Variants in SLC26A3 observed in about 807,000 individuals in gnomAD.
SLC26A3 encodes chloride anion exchanger.
In SLC26A3, 64 loss-of-function variants were observed where a neutral mutation model predicts 85.6. That is an observed-to-expected ratio of 0.75 (90% CI 0.61 to 0.92). The LOEUF (loss-of-function observed/expected upper bound fraction) is 0.92, where lower values mean the gene tolerates loss of function less well. Among genes scored for constraint, SLC26A3 ranks in the 40% least tolerant of loss-of-function variants. SLC26A3 has a pLI of 0.00. For synonymous variants in SLC26A3, 349 were observed against 336.0 expected (o/e 1.04, Z -0.42); for missense variants, 922 against 927.3 (o/e 0.99, Z 0.07).
At chr7:107,772,506 C>A (rs1318742425) in intron 17 of SLC26A3, among the ~76,000 whole-genome samples, 1 of 152,106 alleles carries the variant, frequency 6.6e-6, no homozygotes, top group Non-Finnish European at 1.5e-5. Context: ...TTATTTTTGT[C>A]CACAATGAAT....
chr7:107,795,783 C>T (rs564926963), intron 1 of SLC26A3, among the ~76,000 whole-genome samples: 1 of 152,158 alleles, frequency 6.6e-6, no homozygotes, highest in Non-Finnish European at 1.5e-5. Flanking sequence ...AGTTTTGTTC[C>T]TCAGCTTCAA....
intron 1 of SLC26A3, among the ~76,000 whole-genome samples, chr7:107,796,924 C>T (rs1450843066): frequency 6.6e-6 from 1 of 151,862 alleles, no homozygotes; most frequent in African/African-American, 2.4e-5. Flanking sequence ...GTTGTCTTCC[C>T]CAAAAAAGAT....
intron 1 of SLC26A3, among the ~76,000 whole-genome samples, chr7:107,802,021 G>A (rs537081179): frequency 6.6e-6 from 1 of 151,118 alleles, no homozygotes; most frequent in African/African-American, 2.4e-5. Context: ...GAACCTGGGA[G>A]GCAGAGGTTG....
At chr7:107,771,499 C>T (rs953661367) in intron 18 of SLC26A3, among the ~76,000 whole-genome samples, 1 of 152,102 alleles carries the variant, frequency 6.6e-6, no homozygotes, top group Non-Finnish European at 1.5e-5. Flanking sequence ...GAACCAATGT[C>T]AGACCCTGAG....
chr7:107,794,458 T>A lies in SLC26A3; in HGVS notation c.52A>T (p.Thr18Ser), dbSNP rs1243257855. 1.2e-6 allele frequency: 2 copies of A among 1,613,896 alleles called. No individual in the cohort carries two copies. The change falls in exon 2 of 21, where the codon ACA (threonine) becomes TCA (serine). Residue 18 changes from threonine (T) to serine (S), a missense_variant. Physicochemically the swap from Thr to Ser is moderately conservative, Grantham distance 58. Coordinates refer to ENST00000340010, the MANE Select transcript of SLC26A3 (RefSeq NM_000111.3). ...QYIVARPVYSTNAFEENHKKT... is the reference protein window; with the variant it reads ...QYIVARPVYSSNAFEENHKKT... ...TTATGATTTTCCTCAAAAGCATTTG[T>A]AGAATACACTGGCCTGGCCACAATA...
At chr7:107,787,123 T>C (rs1794309939) in intron 7 of SLC26A3, among the ~76,000 whole-genome samples, 1 of 152,248 alleles carries the variant, frequency 6.6e-6, no homozygotes, top group African/African-American at 2.4e-5. Flanking sequence ...CACGACATTT[T>C]GTCAAGGGTC....
intron 18 of SLC26A3, among the ~76,000 whole-genome samples, chr7:107,771,271 G>A (rs41668): frequency 0.73 from 110,225 of 152,000 alleles, 40,200 homozygotes; most frequent in African/African-American, 0.78. Context: ...AGTTCTAAAA[G>A]CGTGTATCTG....
At chr7:107,779,888 CT>C in intron 11 of SLC26A3, 125 bp from the exon 12 acceptor site, 1 of 794,146 alleles carries the variant, frequency 1.3e-6, no homozygotes, top group Non-Finnish European at 2.1e-6. Flanking sequence ...GCATTACACC[CT>C]TTTCCGGTGT....
intron 11 of SLC26A3, among the ~76,000 whole-genome samples, chr7:107,780,647 C>A (rs1026811865): frequency 2.0e-5 from 3 of 152,102 alleles, no homozygotes; most frequent in Non-Finnish European, 4.4e-5. Flanking sequence ...ATTTTTATAT[C>A]TTGAGGACAG....
At position 107,786,893 on chromosome 7, in the gene SLC26A3, C is replaced by A. The variant is rs1794305515; in HGVS notation, c.905G>T (p.Gly302Val). ...IEFIMTVIAA[G>V]VSYGCDFKNR... is the part of the protein sequence containing the mutation. ...TTTAAAGTCACAGCCGTAGGATACACCTGCTGCAATCACGGTCTGCAAAGT... is the reference window on the plus strand; with the variant it reads ...TTTAAAGTCACAGCCGTAGGATACAACTGCTGCAATCACGGTCTGCAAAGT... The change falls in exon 8 of 21, where the codon GGT becomes GTT. Residue 302 changes from glycine (G) to valine (V), a missense_variant. Transcript: ENST00000340010. The A allele has an allele frequency of 1.2e-6, 2 of 1,614,060 alleles. No individual in the cohort carries two copies. The highest frequency in any genetic ancestry group is 1.1e-5 in the South Asian group (1 of 91,092).
chr7:107,787,625 T>G (rs1794320032), intron 6 of SLC26A3, 116 bp from the exon 7 acceptor site: 1 of 873,778 alleles, frequency 1.1e-6, no homozygotes, highest in Non-Finnish European at 1.8e-6. Flanking sequence ...TAGAGACTGA[T>G]AGTGATTTCC....
intron 7 of SLC26A3, 136 bp downstream of exon 7, chr7:107,787,221 C>T: frequency 1.1e-6 from 1 of 883,048 alleles, no homozygotes; most frequent in East Asian, 2.4e-5. Context: ...GAAAATAAAA[C>T]CATGCTAAAC....
chr7:107,775,465 C>T (rs1316305639), intron 15 of SLC26A3, among the ~76,000 whole-genome samples: 2 of 151,876 alleles, frequency 1.3e-5, no homozygotes, highest in Non-Finnish European at 2.9e-5. Context: ...TGGCTGAAGC[C>T]TCTAATCCTA....
Position 107,794,598 on chromosome 7 carries a change from C to T in SLC26A3, c.-88-1G>A. The stretch of plus-strand genomic sequence containing the variant: ...CTTGCCTTTAGCAGGTTAAAAATGC[C>T]TGAAACCAAACAGAGCTTGCTTCTT... On this transcript the variant is annotated splice_acceptor_variant, in intron 1 of 20. Transcript: ENST00000340010. LOFTEE classifies it low-confidence loss of function (5UTR_SPLICE). 1 of 1,412,680 alleles carries T rather than the reference C, an allele frequency of 7.1e-7. No homozygotes were observed. Among genetic ancestry groups the T allele is most frequent in the Non-Finnish European group, 1.0e-6 (1 of 998,070 alleles). 87.5% of individuals were successfully genotyped at this position (1,412,680 alleles called of 1,614,324 possible). A position where few individuals can be genotyped will look rare whatever the true frequency, so the allele number is the denominator to read the frequency against.
Position 107,767,856 on chromosome 7 carries a change from T to C in SLC26A3, c.2115A>G (p.Lys705=), listed in dbSNP as rs1161387896. ...GGATTGTTAAGAAAAATATTGAGCT[T>C]TTCACTTCACCATCAAAAAATTCAT... The part of the protein sequence containing the change: ...NRYEFFDGEV[K]SSIFFLTIHD... The change falls in exon 19 of 21, where the codon AAA becomes AAG. Residue 705 remains lysine, a synonymous_variant. Transcript: ENST00000340010. 1.9e-6 allele frequency: 3 copies of C among 1,613,648 alleles called. No homozygotes were observed. In the East Asian group the frequency reaches 6.7e-5, roughly 36 times the overall value.
At chr7:107,771,306 G>A (rs1008184969) in intron 18 of SLC26A3, among the ~76,000 whole-genome samples, 13 of 152,318 alleles carry the variant, frequency 8.5e-5, no homozygotes, top group Admixed American at 4.6e-4. Flanking sequence ...ATCCACAGTC[G>A]AGTCCATTGG....
chr7:107,766,501 C>T (rs150970931), intron 20 of SLC26A3, among the ~76,000 whole-genome samples: 24 of 152,222 alleles, frequency 1.6e-4, no homozygotes, highest in Non-Finnish European at 3.4e-4. Flanking sequence ...AATCATGGTG[C>T]TTATGTACAT....
At chr7:107,770,552 C>T (rs970145560) in intron 18 of SLC26A3, among the ~76,000 whole-genome samples, 51 of 152,228 alleles carry the variant, frequency 3.4e-4, no homozygotes, top group African/African-American at 1.2e-3. Context: ...GCCACCGCTC[C>T]CAGCCTCTGT....
chr7:107,767,981 A>G (rs1178319573), intron 18 of SLC26A3, 73 bp from the exon 19 acceptor site: 6 of 1,406,454 alleles, frequency 4.3e-6, no homozygotes, highest in Non-Finnish European at 6.0e-6. Context: ...GAGGCTAGTA[A>G]TTTCACCTTC....
Sources: allele counts gnomAD v4.1 joint callset (sites outside exome capture counted in the v4.1 genomes callset), GRCh38; gene constraint gnomAD v4.1.1; transcripts MANE v1.5; gene names NCBI Gene and HGNC (gene_info 2026-07-23, HGNC 2026-07-21).